The following RNF145 variants were observed in gnomAD, a reference collection of about 807,000 sequenced individuals.
The protein encoded by RNF145 is ring finger protein 145.
Under a neutral mutation model 57.3 loss-of-function variants are expected in RNF145, and 12 were observed. The ratio of observed to expected loss-of-function variants is 0.21; its 90% CI spans 0.13 to 0.34. The LOEUF (loss-of-function observed/expected upper bound fraction) is 0.34, where lower values mean the gene tolerates loss of function less well. Among genes scored for constraint, RNF145 ranks in the 10% least tolerant of loss-of-function variants. The pLI, the probability that RNF145 is intolerant of heterozygous loss-of-function variation, is 1.00. For missense variants in RNF145, 429 were observed against 799.0 expected (o/e 0.54, Z 5.58); for synonymous variants, 262 against 288.3 (o/e 0.91, Z 0.92).
At position 159,158,331 on chromosome 5, in the gene RNF145, A is replaced by T; in HGVS notation, c.*339T>A. The T allele has an allele frequency of 3.7e-6, 1 of 267,868 alleles. No homozygotes were observed. Among genetic ancestry groups the T allele is most frequent in the African/African-American group, 2.2e-5 (1 of 46,026 alleles). 16.6% of individuals were successfully genotyped at this position (267,868 alleles called of 1,614,324 possible). A position where few individuals can be genotyped will look rare whatever the true frequency, so the allele number is the denominator to read the frequency against. Reference sequence around the variant, plus strand: ...TCATGCTCTTTATCCTCACTTCCTCAGTCCCTTCAACACTCAAAATCTGAT... The same window carrying T: ...TCATGCTCTTTATCCTCACTTCCTCTGTCCCTTCAACACTCAAAATCTGAT... On this transcript the variant is annotated 3_prime_UTR_variant, in exon 11 of 11. Transcript: ENST00000424310.
intron 1 of RNF145, among the ~76,000 whole-genome samples, chr5:159,205,778 G>A (rs1489065996): frequency 6.6e-6 from 1 of 152,086 alleles, no homozygotes; most frequent in East Asian, 1.9e-4. Flanking sequence ...AGAGAGGGAG[G>A]AGCTATTACT....
Position 159,168,886 on chromosome 5 carries a change from C to T in RNF145, c.1108G>A (p.Ala370Thr). Residue 370 changes from alanine to threonine, a missense_variant, in exon 8 of 11, where the codon GCA (alanine) becomes ACA (threonine). Ala to Thr is a moderately conservative substitution (Grantham distance 58, BLOSUM62 0). Coordinates refer to ENST00000424310, the MANE Select transcript of RNF145 (RefSeq NM_001199383.2). ...IADPIVLALG[A>T]SRDKSLWKHF... is the part of the protein sequence containing the mutation. ...GAGGTTTCTTACTTGTCTCTAGATG[C>T]TCCCAGTGCCAAAACAATAGGATCT... is the stretch of plus-strand genomic sequence containing the variant. 1 of 1,556,832 alleles carries T rather than the reference C, an allele frequency of 6.4e-7. No homozygotes were observed. The highest frequency in any genetic ancestry group is 8.6e-7 in the Non-Finnish European group (1 of 1,157,550).
chr5:159,208,308 C>T (rs1785974956), intron 1 of RNF145, among the ~76,000 whole-genome samples: 1 of 152,184 alleles, frequency 6.6e-6, no homozygotes, highest in Non-Finnish European at 1.5e-5. Context: ...CCTCCTATCT[C>T]GCCAAGGGTG....
chr5:159,198,160 C>T (rs1200994943), intron 2 of RNF145, among the ~76,000 whole-genome samples: 10 of 151,868 alleles, frequency 6.6e-5, no homozygotes, highest in South Asian at 6.2e-4. Context: ...GAGGATCACA[C>T]GAGCCCAGAA....
intron 6 of RNF145, among the ~76,000 whole-genome samples, chr5:159,173,022 G>A (rs139745566): frequency 6.6e-6 from 1 of 152,260 alleles, no homozygotes; most frequent in Non-Finnish European, 1.5e-5. Flanking sequence ...AATAACAAAT[G>A]TGGATCTAGC....
rs769074284 is a variant in RNF145 at position 159,203,578 on chromosome 5, C to T, written c.40G>A (p.Ala14Thr). ...AGCATGATGCTTGGCACCCTCAGGG[C>T]CACATTTAACACTGCCTCCAGTTTC... ...KEKLEAVLNV[A>T]LRVPSIMLLD... The change falls in exon 2 of 11, where the codon GCC becomes ACC. Residue 14 changes from alanine (A) to threonine (T), a missense_variant. Physicochemically the swap from Ala to Thr is moderately conservative, Grantham distance 58. This residue lies in a region of RNF145 where 109 missense variants were observed against 207.2 expected (regional missense o/e 0.53). Coordinates refer to ENST00000424310, the MANE Select transcript of RNF145 (RefSeq NM_001199383.2). 23 of 1,613,898 alleles carry T rather than the reference C, an allele frequency of 1.4e-5. No individual in the cohort carries two copies. The highest frequency in any genetic ancestry group is 1.9e-5 in the Non-Finnish European group (23 of 1,179,914).
chr5:159,178,891 T>C (rs1450698931), intron 4 of RNF145, among the ~76,000 whole-genome samples: 1 of 152,052 alleles, frequency 6.6e-6, no homozygotes, highest in Non-Finnish European at 1.5e-5. Flanking sequence ...CAATCTACTA[T>C]GTCATAAACA....
rs751322121 is a variant in RNF145 at position 159,168,593 on chromosome 5, AAG to A, written c.1121+278_1121+279del. ...AATTTTAAAATTGGACAAATATAAAAAGTATTAACTTCATCTGAAGCAGAAAA... is the reference window on the plus strand; with the variant it reads ...AATTTTAAAATTGGACAAATATAAAATATTAACTTCATCTGAAGCAGAAAA... On this transcript the variant is annotated intron_variant, in intron 8 of 10. Transcript: ENST00000424310. Among the ~76,000 whole-genome samples the A allele has an allele frequency of 6.6e-4, 101 of 152,322 alleles. No individual in the cohort carries two copies. In the Middle Eastern group the frequency reaches 0.014, roughly 21 times the overall value.
intron 4 of RNF145, among the ~76,000 whole-genome samples, chr5:159,180,072 C>CT: frequency 6.6e-6 from 1 of 152,034 alleles, no homozygotes; most frequent in African/African-American, 2.4e-5. Flanking sequence ...CCCTCTCTCT[C>CT]TGACTTACCA....
At chr5:159,197,407 G>C (rs1785495725) in intron 2 of RNF145, among the ~76,000 whole-genome samples, 5 of 152,146 alleles carry the variant, frequency 3.3e-5, no homozygotes, top group Admixed American at 3.3e-4. Context: ...TTAGCTAATG[G>C]TTCTCAAATT....
rs773748826 is a variant in RNF145 at position 159,158,703 on chromosome 5, C to T, written c.1959G>A (p.Ala653=). The T allele has an allele frequency of 5.6e-6, 9 of 1,613,824 alleles. No homozygotes were observed. Among genetic ancestry groups the T allele is most frequent in the South Asian group, 3.3e-5 (3 of 91,074 alleles). The change falls in exon 11 of 11, where the codon GCG becomes GCA. Residue 653 remains alanine (A), a synonymous_variant. Transcript: ENST00000424310. ...AFDPKEYPHS[A]KDEAHPVESA ...ATTCAACAGGATGTGCTTCATCTTT[C>T]GCACTGTGAGGATATTCTTTGGGGT...
At chr5:159,195,999 C>A (rs1330471574) in intron 2 of RNF145, among the ~76,000 whole-genome samples, 1 of 152,186 alleles carries the variant, frequency 6.6e-6, no homozygotes, top group Non-Finnish European at 1.5e-5. Flanking sequence ...TCCTGCTGAG[C>A]CTTCCATGAT....
In RNF145 at chr5:159,181,231, C is replaced by T. The variant is rs184999701; in HGVS notation, c.385+729G>A. ...GAGTCAGACACCAGTCCACAGCATTCCCCCCTTCACCACACAAGACACATA... is the reference window on the plus strand; with the variant it reads ...GAGTCAGACACCAGTCCACAGCATTTCCCCCTTCACCACACAAGACACATA... On this transcript the variant is annotated intron_variant, in intron 4 of 10. Coordinates refer to ENST00000424310, the MANE Select transcript of RNF145 (RefSeq NM_001199383.2). Among the ~76,000 whole-genome samples, 595 of 151,704 alleles carry T rather than the reference C, an allele frequency of 3.9e-3. 1 individual carries two copies. The highest frequency in any genetic ancestry group is 5.8e-3 in the Non-Finnish European group (396 of 67,908).
At chr5:159,202,459 G>A (rs144016865) in intron 2 of RNF145, among the ~76,000 whole-genome samples, 20 of 152,216 alleles carry the variant, frequency 1.3e-4, no homozygotes, top group South Asian at 4.1e-4. Flanking sequence ...GAACCGAAAC[G>A]TTTTGTTTCT....
At chr5:159,180,230 G>T (rs1410953154) in intron 4 of RNF145, among the ~76,000 whole-genome samples, 2 of 151,968 alleles carry the variant, frequency 1.3e-5, no homozygotes, top group African/African-American at 4.8e-5. Flanking sequence ...CCCTTTTATG[G>T]GTTCTTCTGA....
chr5:159,207,518 C>A, intron 1 of RNF145: 1 of 1,544,926 alleles, frequency 6.5e-7, no homozygotes, highest in Non-Finnish European at 8.7e-7. Context: ...AAAAAAAATT[C>A]TACCATCAAC....
At chr5:159,206,186 T>C (rs780792922) in intron 1 of RNF145, among the ~76,000 whole-genome samples, 2 of 152,306 alleles carry the variant, frequency 1.3e-5, no homozygotes, top group East Asian at 3.9e-4. Context: ...CTCTACTACA[T>C]AGTCAACTCG....
intron 6 of RNF145, among the ~76,000 whole-genome samples, chr5:159,172,000 T>C (rs1291353374): frequency 1.3e-5 from 2 of 152,228 alleles, no homozygotes; most frequent in Non-Finnish European, 2.9e-5. Context: ...TCTTACTTTG[T>C]AAATAAGTCC....
At chr5:159,204,596 G>A (rs551032862) in intron 1 of RNF145, among the ~76,000 whole-genome samples, 56 of 152,214 alleles carry the variant, frequency 3.7e-4, no homozygotes, top group African/African-American at 1.2e-3. Context: ...ATGAGGTCAC[G>A]AGTTCGAGAC....
Sources: allele counts gnomAD v4.1 joint callset (sites outside exome capture counted in the v4.1 genomes callset), GRCh38; gene constraint gnomAD v4.1.1; regional missense constraint gnomAD v4.1.1; transcripts MANE v1.5; gene names NCBI Gene and HGNC (gene_info 2026-07-23, HGNC 2026-07-21).